AGO1: variants seen among roughly 807,000 people sequenced by gnomAD.
AGO1 encodes the protein protein argonaute-1.
A neutral mutation model predicts 109.2 loss-of-function variants in AGO1; 11 were observed. The observed-to-expected ratio is 0.10, with a 90% CI of 0.06 to 0.17. The LOEUF is 0.17. Ranked by LOEUF, AGO1 falls within the 10% of genes least tolerant of loss-of-function variation. AGO1 has a pLI of 1.00. For missense variants in AGO1, 574 were observed against 1,140.3 expected (o/e 0.50, Z 7.15); for synonymous variants, 422 against 418.6 (o/e 1.01, Z -0.10).
intron 8 of AGO1, among the ~76,000 whole-genome samples, chr1:35,896,571 G>A (rs1645323962): frequency 6.6e-6 from 1 of 151,704 alleles, no homozygotes; most frequent in Non-Finnish European, 1.5e-5. Context: ...TGCCATGTTG[G>A]CCACACTGAT....
chr1:35,894,979 C>A, intron 7 of AGO1, 143 bp from the exon 8 acceptor site: 1 of 989,258 alleles, frequency 1.0e-6, no homozygotes, highest in Non-Finnish European at 1.4e-6. Flanking sequence ...TAGGATGAAG[C>A]AAAGTCTGGG....
rs1645533022 is a variant in AGO1 at position 35,906,947 on chromosome 1, C to A, written c.1410C>A (p.Asp470Glu). 6.2e-7 allele frequency: 1 copy of A among 1,612,256 alleles called. No individual in the cohort carries two copies. Among genetic ancestry groups the A allele is most frequent in the East Asian group, 2.2e-5 (1 of 44,886 alleles). Residue 470 changes from aspartate to glutamate, a missense_variant, in exon 12 of 19, where the codon GAC (aspartate) becomes GAA (glutamate). By Grantham distance (45) the Asp-to-Glu change is conservative. Transcript: ENST00000373204. ...CREEVLKNFT[D>E]QLRKISKDAG... ...TGCGTGTGTACAGGAACTTCACAGACCAGCTGCGGAAGATTTCCAAGGATG... is the reference window on the plus strand; with the variant it reads ...TGCGTGTGTACAGGAACTTCACAGAACAGCTGCGGAAGATTTCCAAGGATG...
intron 11 of AGO1, among the ~76,000 whole-genome samples, chr1:35,903,951 G>A (rs1355866172): frequency 6.6e-6 from 1 of 150,842 alleles, no homozygotes; most frequent in Non-Finnish European, 1.5e-5. Context: ...AACAAAGCGA[G>A]ACTCCATCTC....
chr1:35,914,398 C>A, intron 14 of AGO1, 124 bp downstream of exon 14: 1 of 722,040 alleles, frequency 1.4e-6, no homozygotes, highest in Non-Finnish European at 2.4e-6. Context: ...ATTTAGCTCG[C>A]TATTCCCAAT....
chr1:35,914,703 T>C (rs1645704018), intron 14 of AGO1, among the ~76,000 whole-genome samples: 1 of 152,230 alleles, frequency 6.6e-6, no homozygotes, highest in South Asian at 2.1e-4. Flanking sequence ...TTTTCTGCTC[T>C]TTGTCTCTTA....
intron 2 of AGO1, among the ~76,000 whole-genome samples, chr1:35,889,501 C>T (rs1297260386): frequency 1.3e-5 from 2 of 151,824 alleles, no homozygotes; most frequent in East Asian, 1.9e-4. Context: ...CGTGAGCCAC[C>T]GTGCCCGGCC....
At chr1:35,895,323 G>C (rs1425642911) in intron 8 of AGO1, 54 bp downstream of exon 8, 1 of 1,527,392 alleles carries the variant, frequency 6.5e-7, no homozygotes, top group Non-Finnish European at 8.8e-7. Context: ...CCTGCATGCT[G>C]ATCATCAGAT....
intron 8 of AGO1, among the ~76,000 whole-genome samples, chr1:35,897,920 C>T (rs1010001577): frequency 1.3e-5 from 2 of 152,196 alleles, no homozygotes; most frequent in Non-Finnish European, 2.9e-5. Context: ...TTCGTTCTCT[C>T]CCCAACAGCC....
Position 35,888,509 on chromosome 1 carries a change from C to A in AGO1, c.108C>A (p.Ile36=). The A allele has an allele frequency of 6.2e-7, 1 of 1,614,242 alleles. No homozygotes were observed. Among genetic ancestry groups the A allele is most frequent in the East Asian group, 2.2e-5 (1 of 44,886 alleles). The change falls in exon 2 of 19, where the codon ATC becomes ATA. Residue 36 remains isoleucine, a synonymous_variant. Transcript: ENST00000373204. This position sits in a 1 kb window ranked among gnomAD's most constrained non-coding sequence, Gnocchi z 4.1. ...GCATTGGCACTGTGGGGAAACCAATCAAGCTCCTGGCCAATTACTTTGAGG... is the reference window on the plus strand; with the variant it reads ...GCATTGGCACTGTGGGGAAACCAATAAAGCTCCTGGCCAATTACTTTGAGG... ...RPGIGTVGKP[I]KLLANYFEVD... is the part of the protein sequence containing the mutation.
chr1:35,896,847 G>T (rs943518830), intron 8 of AGO1, among the ~76,000 whole-genome samples: 24 of 152,220 alleles, frequency 1.6e-4, no homozygotes, highest in Non-Finnish European at 3.1e-4. Context: ...GTTCTCTGAG[G>T]TATAAACAGA....
At chr1:35,902,697 C>T (rs1645439693) in intron 11 of AGO1, among the ~76,000 whole-genome samples, 2 of 152,166 alleles carry the variant, frequency 1.3e-5, no homozygotes, top group Non-Finnish European at 2.9e-5. Flanking sequence ...TTCATCTTTA[C>T]AGTGAGTAGG....
At chr1:35,887,161 A>C (rs1190978751) in intron 1 of AGO1, among the ~76,000 whole-genome samples, 1 of 152,096 alleles carries the variant, frequency 6.6e-6, no homozygotes, top group Non-Finnish European at 1.5e-5. Context: ...ACAGGTGGTT[A>C]GAGGGAAACA....
Position 35,923,375 on chromosome 1 carries a change from G to A in AGO1, c.*3768G>A, listed in dbSNP as rs572628298. The A allele has an allele frequency of 7.2e-5, 11 of 152,328 alleles. No individual in the cohort carries two copies. The highest frequency in any genetic ancestry group is 2.4e-4 in the African/African-American group (10 of 41,440). The allele number at this position is 152,328 out of a possible 1,614,324, so 9.4% of individuals were successfully genotyped here. A position where few individuals can be genotyped will look rare whatever the true frequency, so the allele number is the denominator to read the frequency against. ...AGCTGGCCCATAGGATATCTGTAAG[G>A]CTGGTGGGACAGTTTTGGACCTGGA... On this transcript the variant is annotated 3_prime_UTR_variant, in exon 19 of 19. Transcript: ENST00000373204.
chr1:35,884,114 T>A (rs72902966), intron 1 of AGO1, among the ~76,000 whole-genome samples: 1,835 of 134,132 alleles, frequency 0.014, 41 homozygotes, highest in African/African-American at 0.045. Flanking sequence ...CCCGTTTGGC[T>A]TGGAAAAAGG....
At chr1:35,911,329 A>G (rs554188659) in intron 12 of AGO1, among the ~76,000 whole-genome samples, 1 of 152,370 alleles carries the variant, frequency 6.6e-6, no homozygotes, top group East Asian at 1.9e-4. Context: ...ATTTTAAAAA[A>G]TCATTCATAT....
At chr1:35,871,598 TGG>T (rs60167917) in intron 1 of AGO1, among the ~76,000 whole-genome samples, 47,286 of 148,194 alleles carry the variant, frequency 0.32, 11,022 homozygotes, top group East Asian at 0.78. Context: ...AGTCTGGGTG[TGG>T]GGTGGCCCAT....
intron 1 of AGO1, among the ~76,000 whole-genome samples, chr1:35,875,600 G>A (rs376801571): frequency 4.6e-5 from 7 of 152,202 alleles, no homozygotes; most frequent in African/African-American, 1.7e-4. Context: ...TTTTAGTAGA[G>A]ATGGGGTTTC....
intron 1 of AGO1, among the ~76,000 whole-genome samples, chr1:35,876,227 A>C (rs1004708329): frequency 6.6e-6 from 1 of 152,166 alleles, no homozygotes; most frequent in African/African-American, 2.4e-5. Context: ...TCTCATGATA[A>C]AACTTGAACA....
rs185768914 is a variant in AGO1, at chr1:35,915,545, A to G, written c.2028+3A>G. 2,019 of 1,613,360 alleles carry G rather than the reference A, an allele frequency of 1.3e-3. 4 individuals carry two copies. Among genetic ancestry groups the G allele is most frequent in the Non-Finnish European group, 1.4e-3 (1,707 of 1,179,598 alleles). ...TGCCTGAAGGCCAGCTACCCCAGGTAGGGCCCACAGTAGGTGGAGAAAACC... is the reference window on the plus strand; with the variant it reads ...TGCCTGAAGGCCAGCTACCCCAGGTGGGGCCCACAGTAGGTGGAGAAAACC... On this transcript the variant is annotated splice_donor_region_variant and intron_variant, in intron 15 of 18. Transcript: ENST00000373204.
Sources: gnomAD v4.1 joint callset for allele counts (sites outside exome capture counted in the v4.1 genomes callset) on GRCh38, gnomAD v4.1.1 for gene constraint, Gnocchi (gnomAD v3.1) non-coding constraint, MANE v1.5 for transcripts, NCBI Gene and HGNC (gene_info 2026-07-23, HGNC 2026-07-21) for gene names.